Variants in USP9X observed in about 807,000 individuals in gnomAD.
The protein encoded by USP9X is ubiquitin specific peptidase 9 X-linked.
In USP9X, 7 loss-of-function variants were observed where a neutral mutation model predicts 190.3. The observed-to-expected ratio is 0.04, with a 90% CI of 0.02 to 0.07. USP9X has a LOEUF of 0.07. USP9X is among the 10% of genes least tolerant of loss of function. The pLI is 1.00. For missense variants in USP9X, 1,010 were observed against 1,916.9 expected, an observed-to-expected ratio of 0.53 and a Z score of 8.83; for synonymous variants, 645 against 659.5, an observed-to-expected ratio of 0.98 and a Z score of 0.34.
At chrX:41,141,501 T>TA (rs767986840) in intron 9 of USP9X, 70 bp downstream of exon 9, 30 of 977,865 alleles carry the variant, frequency 3.1e-5, no homozygotes, top group Middle Eastern at 3.6e-4. Context: ...TAGCTCTAGC[T>TA]AAAAAAATTA....
At chrX:41,177,793 A>G (rs1397150729) in intron 21 of USP9X, among the ~76,000 whole-genome samples, 2 of 111,098 alleles carry the variant, frequency 1.8e-5, no homozygotes, top group African/African-American at 6.6e-5. Flanking sequence ...TATATTTGTC[A>G]TATATGATCA....
intron 14 of USP9X, among the ~76,000 whole-genome samples, chrX:41,158,265 G>A (rs1249764099): frequency 9.0e-6 from 1 of 111,473 alleles, no homozygotes; most frequent in African/African-American, 3.3e-5. Flanking sequence ...ATTGCAAATA[G>A]GGTAAATGCA....
chrX:41,091,973 C>T (rs2061957963), intron 1 of USP9X, among the ~76,000 whole-genome samples: 1 of 111,633 alleles, frequency 9.0e-6, no homozygotes, highest in African/African-American at 3.3e-5. Context: ...TTATAATAAC[C>T]ATTTGATTAC....
intron 30 of USP9X, among the ~76,000 whole-genome samples, chrX:41,199,133 G>A (rs1428173196): frequency 3.6e-5 from 4 of 110,380 alleles, no homozygotes; most frequent in Non-Finnish European, 5.7e-5. Context: ...GCAGTGAGCC[G>A]AGATCGCGCC....
At chrX:41,180,112 T>A (rs1482419659) in intron 21 of USP9X, among the ~76,000 whole-genome samples, 4 of 112,199 alleles carry the variant, frequency 3.6e-5, no homozygotes, top group Non-Finnish European at 7.5e-5. Flanking sequence ...TTTTATTACC[T>A]CCATTTTCTA....
chrX:41,141,812 G>A (rs748383895), intron 9 of USP9X, among the ~76,000 whole-genome samples: 4 of 111,276 alleles, frequency 3.6e-5, no homozygotes, highest in African/African-American at 1.3e-4. Flanking sequence ...ACAGTTAAAC[G>A]TTTTAAAACA....
At chrX:41,131,593 T>G (rs1023692200) in intron 4 of USP9X, 57 bp downstream of exon 4, 2 of 1,064,475 alleles carry the variant, frequency 1.9e-6, no homozygotes, top group Non-Finnish European at 2.6e-6. Flanking sequence ...TATTTTTACT[T>G]TATCCCAAAA....
intron 21 of USP9X, among the ~76,000 whole-genome samples, chrX:41,173,684 T>G (rs144736092): frequency 8.9e-6 from 1 of 112,130 alleles, no homozygotes; most frequent in African/African-American, 3.2e-5. Context: ...CAAAAAGATA[T>G]AGTTCAAACT....
intron 1 of USP9X, among the ~76,000 whole-genome samples, chrX:41,107,781 A>G (rs1410486103): frequency 9.0e-6 from 1 of 111,599 alleles, no homozygotes; most frequent in South Asian, 3.7e-4. Context: ...CCGACAGCTC[A>G]TTGGCTGAAT....
At chrX:41,176,074 A>G (rs1392304753) in intron 21 of USP9X, among the ~76,000 whole-genome samples, 4 of 110,960 alleles carry the variant, frequency 3.6e-5, no homozygotes, top group Non-Finnish European at 7.6e-5. Context: ...TTTTCTGACA[A>G]TGAAAAACCT....
chrX:41,184,273 A>G (rs1392464734), intron 22 of USP9X, 124 bp from the exon 23 acceptor site: 1 of 984,742 alleles, frequency 1.0e-6, no homozygotes, highest in Non-Finnish European at 1.4e-6. Flanking sequence ...ATGAAATATT[A>G]ATTTGAAATA....
chrX:41,145,733 T>C (rs956646355), intron 11 of USP9X, among the ~76,000 whole-genome samples: 17 of 111,786 alleles, frequency 1.5e-4, no homozygotes, highest in Admixed American at 1.5e-3. Flanking sequence ...AATAATGGTA[T>C]ATGCTTGTAC....
At position 41,123,708 on chromosome X, in the gene USP9X, C is replaced by A. The variant is rs200078810; in HGVS notation, c.80C>A (p.Pro27His). Residue 27 changes from proline to histidine, a missense_variant, in exon 2 of 45, where the codon CCC (proline) becomes CAC (histidine). This residue lies in a region of USP9X where 176 missense variants were observed against 247.5 expected (regional missense o/e 0.71). Coordinates refer to ENST00000378308, the MANE Select transcript of USP9X (RefSeq NM_001039591.3). ...GQAPDGQSQP[P>H]LQQNQTSSPD... ...GCTCCTGATGGACAGTCTCAGCCCC[C>A]CCTCCAACAGAATCAGGTAGGATGT... 6 of 1,211,137 alleles carry A rather than the reference C, an allele frequency of 5.0e-6. No homozygotes were observed. Among genetic ancestry groups the A allele is most frequent in the Admixed American group, 4.3e-5 (2 of 45,993 alleles).
chrX:41,096,701 A>G (rs748315557), intron 1 of USP9X, among the ~76,000 whole-genome samples: 3 of 111,635 alleles, frequency 2.7e-5, no homozygotes, highest in South Asian at 3.7e-4. Flanking sequence ...TGGTCCCCCA[A>G]AGTGGTGGAA....
chrX:41,227,500 GA>G (rs1348156361), intron 41 of USP9X, among the ~76,000 whole-genome samples: 7 of 111,286 alleles, frequency 6.3e-5, no homozygotes, highest in Admixed American at 1.9e-4. Flanking sequence ...TTTGATGGAG[GA>G]AAAAAATCTT....
chrX:41,229,011 GGA>G, intron 41 of USP9X: 1 of 234,659 alleles, frequency 4.3e-6, no homozygotes, highest in Non-Finnish European at 7.5e-6. Flanking sequence ...GGCTGAGGCA[GGA>G]GAGAGGCGTG....
At chrX:41,127,817 G>A (rs1286974986) in intron 2 of USP9X, among the ~76,000 whole-genome samples, 1 of 112,484 alleles carries the variant, frequency 8.9e-6, no homozygotes, top group Non-Finnish European at 1.9e-5. Context: ...TTAAATAGGT[G>A]CTTGAATGAT....
intron 21 of USP9X, among the ~76,000 whole-genome samples, chrX:41,175,055 A>G (rs959337904): frequency 5.4e-5 from 6 of 112,129 alleles, no homozygotes; most frequent in African/African-American, 1.9e-4. Context: ...CATTTTATTC[A>G]TTCGTTTATA....
At chrX:41,218,777 C>T (rs1477550574) in intron 37 of USP9X, among the ~76,000 whole-genome samples, 180 bp downstream of exon 37, 4 of 112,255 alleles carry the variant, frequency 3.6e-5, no homozygotes, top group African/African-American at 1.3e-4. Flanking sequence ...TAATTATTGG[C>T]TCTTTAAAAA....
Sources: allele counts gnomAD v4.1 joint callset (sites outside exome capture counted in the v4.1 genomes callset), GRCh38; gene constraint gnomAD v4.1.1; regional missense constraint gnomAD v4.1.1; transcripts MANE v1.5; gene names NCBI Gene and HGNC (gene_info 2026-07-23, HGNC 2026-07-21).